The following UPK1A variants were observed in gnomAD, a reference collection of about 807,000 sequenced individuals.
The protein encoded by UPK1A is uroplakin 1A, also known as uroplakin-1a.
Under a neutral mutation model 32.3 loss-of-function variants are expected in UPK1A, and 31 were observed. The observed-to-expected ratio is 0.96, with a 90% CI of 0.72 to 1.30. UPK1A has a LOEUF of 1.30. Among genes scored for constraint, UPK1A ranks in the 50% most tolerant of loss-of-function variants. The pLI is 0.00. For missense variants in UPK1A, 340 were observed against 357.4 expected (o/e 0.95, Z 0.39); for synonymous variants, 135 against 137.1 (o/e 0.98, Z 0.11).
chr19:35,673,176 C>G, intron 3 of UPK1A, 56 bp from the exon 4 acceptor site: 2 of 1,568,270 alleles, frequency 1.3e-6, no homozygotes, highest in Non-Finnish European at 1.8e-6. Context: ...GCTTCCCTGA[C>G]GGGGTGTGGC....
At chr19:35,675,997 A>G (rs1300278840) in exon 6 of UPK1A, 1 of 1,613,578 alleles carries the variant, frequency 6.2e-7, no homozygotes, top group East Asian at 2.2e-5. Context: ...CGCCTGGGGC[A>G]CATGGACTAC....
rs1306155581 is a variant in UPK1A at position 35,676,022 on chromosome 19, G to A, written c.648+3G>A. The A allele has an allele frequency of 3.7e-6, 6 of 1,611,696 alleles. No homozygotes were observed. The highest frequency in any genetic ancestry group is 5.1e-6 in the Non-Finnish European group (6 of 1,178,942). On this transcript the variant is annotated splice_donor_region_variant and intron_variant, in intron 6 of 7. Transcript: ENST00000617999. ...ACATGGACTACCTGTTCACCAAGGT[G>A]TGGCCGTCTGCCCTGCTCCATCTGT...
chr19:35,666,748 G>C, intron 1 of UPK1A, 61 bp from the exon 2 acceptor site: 1 of 1,558,346 alleles, frequency 6.4e-7, no homozygotes, highest in Non-Finnish European at 8.8e-7. Flanking sequence ...GTGTGGCTCA[G>C]AGATGGGGGG....
intron 5 of UPK1A, 21 bp downstream of exon 5, chr19:35,673,566 GC>G: frequency 6.2e-7 from 1 of 1,609,234 alleles, no homozygotes; most frequent in South Asian, 1.1e-5. Flanking sequence ...TGGACCGGGT[GC>G]TGGGAGGGCC....
At chr19:35,673,143 A>T in intron 3 of UPK1A, 89 bp from the exon 4 acceptor site, 1 of 1,414,756 alleles carries the variant, frequency 7.1e-7, no homozygotes, top group Non-Finnish European at 9.9e-7. Flanking sequence ...AAACTTTTTT[A>T]AAACTTGCAT....
intron 6 of UPK1A, among the ~76,000 whole-genome samples, chr19:35,677,083 G>C (rs967181144): frequency 6.6e-6 from 1 of 151,932 alleles, no homozygotes; most frequent in Non-Finnish European, 1.5e-5. Flanking sequence ...AATTAGCCAG[G>C]CGTGGTGGTG....
intron 5 of UPK1A, among the ~76,000 whole-genome samples, chr19:35,675,472 G>A (rs1177824209): frequency 6.6e-6 from 1 of 151,820 alleles, no homozygotes; most frequent in Non-Finnish European, 1.5e-5. Context: ...GTAGAGACGG[G>A]GTTTCATCAT....
intron 6 of UPK1A, chr19:35,676,469 C>T (rs929642585): frequency 6.3e-5 from 15 of 237,682 alleles, no homozygotes; most frequent in Non-Finnish European, 1.3e-4. Context: ...AGATTACAGG[C>T]GTGAGCCACC....
chr19:35,666,716 G>A, intron 1 of UPK1A, 93 bp from the exon 2 acceptor site: 1 of 1,308,316 alleles, frequency 7.6e-7, no homozygotes, highest in Non-Finnish European at 1.1e-6. Context: ...GCAGAGAGCT[G>A]GAGCAACCCC....
intron 3 of UPK1A, among the ~76,000 whole-genome samples, chr19:35,670,251 A>C (rs1402169401): frequency 1.3e-5 from 2 of 152,148 alleles, no homozygotes; most frequent in Non-Finnish European, 2.9e-5. Flanking sequence ...GACATGAGGC[A>C]GACAGATGGG....
intron 5 of UPK1A, among the ~76,000 whole-genome samples, chr19:35,674,968 G>T (rs1169878855): frequency 1.3e-5 from 2 of 151,636 alleles, no homozygotes; most frequent in South Asian, 2.1e-4. Context: ...CTTGAACCCA[G>T]GAGGGGGAGG....
Position 35,675,934 on chromosome 19 carries a change from C to G in UPK1A, c.563C>G (p.Pro188Arg). ...CCGGAGGTGGTGTTCCCCTGGCCCC[C>G]ACTGTGCTGTCGCCGGACGGGAAAC... The change falls in exon 6 of 8, where the codon CCA becomes CGA. Residue 188 changes from proline to arginine, a missense_variant. Physicochemically the swap from Pro to Arg is moderately radical, Grantham distance 103 (BLOSUM62 -2). Coordinates refer to ENST00000617999, the Ensembl canonical transcript of UPK1A. 1 of 1,614,012 alleles carries G rather than the reference C, an allele frequency of 6.2e-7. No individual in the cohort carries two copies. Among genetic ancestry groups the G allele is most frequent in the Non-Finnish European group, 8.5e-7 (1 of 1,180,014 alleles).
In UPK1A at chr19:35,677,403, G is replaced by A. The variant is rs528408256; in HGVS notation, c.649-409G>A. 1.6e-3 allele frequency among the ~76,000 whole-genome samples: 238 copies of A among 152,040 alleles called. 3 individuals are homozygous for A. The highest frequency in any genetic ancestry group is 5.4e-3 in the African/African-American group (222 of 41,492). ...TAGCCGGGCGTAGTGGTGCACACCTGTAATCCCAGCTACTCAGGAGGCTGA... is the reference window on the plus strand; with the variant it reads ...TAGCCGGGCGTAGTGGTGCACACCTATAATCCCAGCTACTCAGGAGGCTGA... On this transcript the variant is annotated intron_variant, in intron 6 of 7. Transcript: ENST00000617999.
In UPK1A at chr19:35,668,009, A is replaced by G; in HGVS notation, c.85-445A>G. On this transcript the variant is annotated intron_variant, in intron 2 of 7. Coordinates refer to ENST00000617999, the Ensembl canonical transcript of UPK1A. ...CTCACTATTGCCCAGGCTAGTCTCA[A>G]ACTCCTGGGCTCAAGCAATCCTCCC... The G allele has an allele frequency of 1.2e-5, 3 of 240,776 alleles. No homozygotes were observed. In the South Asian group the frequency reaches 1.6e-4, roughly 13 times the overall value. The allele number at this position is 240,776 out of a possible 1,614,324, so 14.9% of individuals were successfully genotyped here. A position where few individuals can be genotyped will look rare whatever the true frequency, so the allele number is the denominator to read the frequency against.
At chr19:35,676,347 T>G in intron 6 of UPK1A, 1 of 444,768 alleles carries the variant, frequency 2.2e-6, no homozygotes, top group Non-Finnish European at 4.2e-6. Context: ...CGCACCACCC[T>G]CTTGGCTAGT....
rs557907647 is a variant in UPK1A, at chr19:35,671,312, G to A, written c.286-1920G>A. ...TGAGGCAGGAGAATGGCGTGAACCCGGGAGGCGCAGCTTGCAGTGAGCAGA... is the reference window on the plus strand; with the variant it reads ...TGAGGCAGGAGAATGGCGTGAACCCAGGAGGCGCAGCTTGCAGTGAGCAGA... On this transcript the variant is annotated intron_variant, in intron 3 of 7. Coordinates refer to ENST00000617999, the Ensembl canonical transcript of UPK1A. Among the ~76,000 whole-genome samples, 449 of 146,674 alleles carry A rather than the reference G, an allele frequency of 3.1e-3. 2 individuals carry two copies. Among genetic ancestry groups the A allele is most frequent in the Non-Finnish European group, 5.2e-3 (346 of 66,692 alleles).
chr19:35,676,285 G>T (rs768846844), intron 6 of UPK1A: 1 of 603,156 alleles, frequency 1.7e-6, no homozygotes, highest in African/African-American at 1.9e-5. Flanking sequence ...CTGCCTCCCG[G>T]GTTCAAGGGA....
chr19:35,675,728 T>C lies in UPK1A; in HGVS notation c.469-112T>C, dbSNP rs964793867. 14 of 1,298,534 alleles carry C rather than the reference T, an allele frequency of 1.1e-5. No individual in the cohort carries two copies. In the East Asian group the frequency reaches 2.9e-4, roughly 27 times the overall value. The allele number at this position is 1,298,534 out of a possible 1,614,324, so 80.4% of individuals were successfully genotyped here. On this transcript the variant is annotated intron_variant, in intron 5 of 7. Coordinates refer to ENST00000617999, the Ensembl canonical transcript of UPK1A. ...CTTGGAGGCCCAGGACATGGGGAAGTTGGGCCCAGCTGTGTCAAAGGCCAA... is the reference window on the plus strand; with the variant it reads ...CTTGGAGGCCCAGGACATGGGGAAGCTGGGCCCAGCTGTGTCAAAGGCCAA...
At chr19:35,666,738 G>T in intron 1 of UPK1A, 71 bp from the exon 2 acceptor site, 1 of 1,485,620 alleles carries the variant, frequency 6.7e-7, no homozygotes, top group Non-Finnish European at 9.4e-7. Flanking sequence ...CGAAGCCAGG[G>T]TGTGGCTCAG....
Sources: allele counts gnomAD v4.1 joint callset (sites outside exome capture counted in the v4.1 genomes callset), GRCh38; gene constraint gnomAD v4.1.1; transcripts MANE v1.5; gene names NCBI Gene and HGNC (gene_info 2026-07-23, HGNC 2026-07-21).